DUSP16: variants seen among roughly 807,000 people sequenced by gnomAD.
DUSP16 encodes dual specificity phosphatase 16.
A neutral mutation model predicts 58.3 loss-of-function variants in DUSP16; 21 were observed. The observed-to-expected ratio is 0.36, with a 90% CI of 0.26 to 0.52. The LOEUF is 0.52. DUSP16 is among the 20% of genes least tolerant of loss of function. The pLI, the probability that DUSP16 is intolerant of heterozygous loss-of-function variation, is 0.94. For missense variants in DUSP16, 726 were observed against 819.0 expected (o/e 0.89, Z 1.39); for synonymous variants, 320 against 323.8 (o/e 0.99, Z 0.12).
At chr12:12,499,528 C>T (rs1041311838) in intron 4 of DUSP16, among the ~76,000 whole-genome samples, 4 of 152,102 alleles carry the variant, frequency 2.6e-5, no homozygotes, top group Admixed American at 2.0e-4. Flanking sequence ...TACCCAATGA[C>T]CCGATGATCG....
chr12:12,550,548 T>C (rs1287370045), intron 1 of DUSP16, among the ~76,000 whole-genome samples: 4 of 152,374 alleles, frequency 2.6e-5, no homozygotes, highest in African/African-American at 7.2e-5. Flanking sequence ...GTATATTCTT[T>C]ACTGCCTATC....
intron 1 of DUSP16, among the ~76,000 whole-genome samples, chr12:12,523,322 T>C (rs1369896126): frequency 2.0e-5 from 3 of 152,072 alleles, no homozygotes; most frequent in Non-Finnish European, 4.4e-5. Flanking sequence ...GGAGGAAAAA[T>C]ACCCTACAGA....
At chr12:12,535,144 C>T (rs1183576217) in intron 1 of DUSP16, among the ~76,000 whole-genome samples, 1 of 152,238 alleles carries the variant, frequency 6.6e-6, no homozygotes, top group Admixed American at 6.5e-5. Context: ...TTAGGACGGA[C>T]ACCTGTGCCA....
intron 3 of DUSP16, among the ~76,000 whole-genome samples, chr12:12,505,044 A>C (rs1306556156): frequency 6.6e-6 from 1 of 152,230 alleles, no homozygotes; most frequent in Non-Finnish European, 1.5e-5. Context: ...TTACTGCGTG[A>C]CAAACATTGC....
chr12:12,531,784 T>A (rs550883879), intron 1 of DUSP16, among the ~76,000 whole-genome samples: 16 of 152,026 alleles, frequency 1.1e-4, no homozygotes, highest in African/African-American at 3.9e-4. Flanking sequence ...GGCAGGAGAA[T>A]CGCTTGAACT....
rs753393986 is a variant in DUSP16, at chr12:12,535,197, C to A, written c.-365-13734G>T. The stretch of plus-strand genomic sequence containing the variant: ...CCTGCCCATCCTCCTCCACCAGCCT[C>A]GGTGAGCTGTTAGTTCTCCTTACCT... On this transcript the variant is annotated intron_variant, in intron 1 of 6. Transcript: ENST00000298573. Among the ~76,000 whole-genome samples the A allele has an allele frequency of 2.0e-5, 3 of 152,336 alleles. No individual in the cohort carries two copies. The South Asian group carries it at 6.2e-4, about 32-fold the overall frequency.
At chr12:12,494,307 A>T (rs1033800554) in intron 4 of DUSP16, among the ~76,000 whole-genome samples, 3 of 152,190 alleles carry the variant, frequency 2.0e-5, no homozygotes, top group Non-Finnish European at 4.4e-5. Context: ...GGACATGTAC[A>T]TTTCATACAA....
At chr12:12,547,450 A>C (rs1288471661) in intron 1 of DUSP16, among the ~76,000 whole-genome samples, 1 of 130,206 alleles carries the variant, frequency 7.7e-6, no homozygotes, top group Non-Finnish European at 1.6e-5. Context: ...AAACAAACAA[A>C]AAAAAGCAAA....
At chr12:12,544,004 T>C (rs1944603109) in intron 1 of DUSP16, among the ~76,000 whole-genome samples, 1 of 152,026 alleles carries the variant, frequency 6.6e-6, no homozygotes, top group South Asian at 2.1e-4. Context: ...AAAACTCAAG[T>C]ATAACATATA....
intron 1 of DUSP16, among the ~76,000 whole-genome samples, chr12:12,525,615 G>A (rs1944294912): frequency 6.6e-6 from 1 of 151,830 alleles, no homozygotes; most frequent in South Asian, 2.1e-4. Flanking sequence ...GCTCATGACT[G>A]TAATCCAAGC....
rs1943397330 is a variant in DUSP16, at chr12:12,475,024, C to G, written c.*1809G>C. 1 of 152,232 alleles carries G rather than the reference C, an allele frequency of 6.6e-6. No homozygotes were observed. The highest frequency in any genetic ancestry group is 6.5e-5 in the Admixed American group (1 of 15,288). The allele number at this position is 152,232 out of a possible 1,614,324, so 9.4% of individuals were successfully genotyped here. A position where few individuals can be genotyped will look rare whatever the true frequency, so the allele number is the denominator to read the frequency against. Reference sequence around the variant, plus strand: ...ATTATTTGTGCACAACTAGTGAGGTCTGTGCGGCTCATCATCCCCATAACC... The same window carrying G: ...ATTATTTGTGCACAACTAGTGAGGTGTGTGCGGCTCATCATCCCCATAACC... On this transcript the variant is annotated 3_prime_UTR_variant, in exon 7 of 7. Coordinates refer to ENST00000298573, the MANE Select transcript of DUSP16 (RefSeq NM_030640.3).
chr12:12,535,659 T>A (rs139728615), intron 1 of DUSP16, among the ~76,000 whole-genome samples: 77 of 152,348 alleles, frequency 5.1e-4, no homozygotes, highest in African/African-American at 1.7e-3. Flanking sequence ...AAGTCCTTGA[T>A]ATTAATTAGT....
chr12:12,511,737 G>A (rs1944081997), intron 3 of DUSP16, among the ~76,000 whole-genome samples: 1 of 151,918 alleles, frequency 6.6e-6, no homozygotes, highest in South Asian at 2.1e-4. Context: ...TCAAAGGCAG[G>A]GGCAAGCCTT....
intron 1 of DUSP16, among the ~76,000 whole-genome samples, chr12:12,539,768 A>T (rs1037850769): frequency 8.2e-5 from 12 of 145,852 alleles, no homozygotes; most frequent in Non-Finnish European, 1.7e-4. Flanking sequence ...AAAAAAAAAA[A>T]GGCTGGGCAC....
intron 3 of DUSP16, among the ~76,000 whole-genome samples, chr12:12,517,805 C>T (rs930269008): frequency 6.6e-6 from 1 of 152,210 alleles, no homozygotes; most frequent in Non-Finnish European, 1.5e-5. Flanking sequence ...TTTAATGTGG[C>T]TCCTGGTGCT....
In DUSP16 at chr12:12,477,723, G is replaced by A; in HGVS notation, c.1108C>T (p.Leu370=). The change falls in exon 7 of 7, where the codon CTG becomes TTG. Residue 370 remains leucine, a synonymous_variant. Coordinates refer to ENST00000298573, the MANE Select transcript of DUSP16 (RefSeq NM_030640.3). This position sits in a 1 kb window ranked among gnomAD's most constrained non-coding sequence, Gnocchi z 4.1. ...VPSVPSVQPS[L]LEDSPLVQAL... The stretch of plus-strand genomic sequence containing the variant: ...TGTACCAGCGGGCTGTCCTCTAACA[G>A]CGACGGCTGCACGCTGGGCACGCTG... 6.2e-7 allele frequency: 1 copy of A among 1,611,488 alleles called. No homozygotes were observed. The highest frequency in any genetic ancestry group is 2.3e-5 in the East Asian group (1 of 44,424).
chr12:12,486,809 A>G (rs1242735371), intron 5 of DUSP16, among the ~76,000 whole-genome samples: 3 of 152,226 alleles, frequency 2.0e-5, no homozygotes, highest in Non-Finnish European at 4.4e-5. Flanking sequence ...GTGGTGTTAA[A>G]TGTTAGCTAG....
intron 5 of DUSP16, among the ~76,000 whole-genome samples, chr12:12,482,543 C>A (rs1016532178): frequency 2.6e-5 from 4 of 152,170 alleles, no homozygotes; most frequent in Non-Finnish European, 5.9e-5. Flanking sequence ...ATTTAACACA[C>A]ACAACTGGCA....
chr12:12,516,520 T>C (rs1944157360), intron 3 of DUSP16, among the ~76,000 whole-genome samples: 1 of 152,238 alleles, frequency 6.6e-6, no homozygotes, highest in African/African-American at 2.4e-5. Context: ...TGTTAGCTCT[T>C]TATCAAATAT....
Sources: allele counts gnomAD v4.1 joint callset (sites outside exome capture counted in the v4.1 genomes callset), GRCh38; gene constraint gnomAD v4.1.1; non-coding constraint Gnocchi (gnomAD v3.1); transcripts MANE v1.5; gene names NCBI Gene and HGNC (gene_info 2026-07-23, HGNC 2026-07-21).